BRME1: variants seen among roughly 807,000 people sequenced by gnomAD.
BRME1 encodes break repair meiotic recombinase recruitment factor 1.
BRME1 carries 31 observed loss-of-function variants against 52.6 expected under a neutral mutation model. The observed-to-expected ratio is 0.59, with a 90% CI of 0.44 to 0.80. BRME1 has a LOEUF of 0.80. Ranked by LOEUF, BRME1 falls within the 30% of genes least tolerant of loss-of-function variation. The pLI, the probability that BRME1 is intolerant of heterozygous loss-of-function variation, is 0.00. For missense variants in BRME1, 804 were observed against 860.3 expected, an observed-to-expected ratio of 0.93 and a Z score of 0.82; for synonymous variants, 359 against 353.6, an observed-to-expected ratio of 1.02 and a Z score of -0.17.
chr19:13,899,792 G>C (rs1970173850), intron 2 of BRME1, among the ~76,000 whole-genome samples: 1 of 152,178 alleles, frequency 6.6e-6, no homozygotes, highest in South Asian at 2.1e-4. Flanking sequence ...CTTGAGGTCA[G>C]GAGTTCAAGA....
chr19:13,904,722 G>T, intron 2 of BRME1, 140 bp downstream of exon 2: 1 of 857,596 alleles, frequency 1.2e-6, no homozygotes, highest in Non-Finnish European at 1.9e-6. Context: ...TTACAGGTGT[G>T]AGCCACCGCA....
chr19:13,905,013 C>T (rs1599365848), intron 1 of BRME1, 100 bp from the exon 2 acceptor site: 2 of 964,142 alleles, frequency 2.1e-6, no homozygotes, highest in East Asian at 5.0e-5. Context: ...ACCTCCACCT[C>T]AGCCCATTTG....
chr19:13,896,350 TATA>T (rs1275332882), intron 2 of BRME1, among the ~76,000 whole-genome samples: 2 of 147,770 alleles, frequency 1.4e-5, no homozygotes, highest in South Asian at 4.2e-4. Flanking sequence ...ATATAAAATA[TATA>T]ATTATAATGT....
rs768614582 is a variant in BRME1 at position 13,882,928 on chromosome 19, C to T, written c.1881G>A (p.Arg627=). 6.2e-6 allele frequency: 10 copies of T among 1,613,386 alleles called. No individual in the cohort carries two copies. In the African/African-American group the frequency reaches 9.4e-5, roughly 15 times the overall value. The part of the protein sequence containing the change: ...NLNRLIMGTH[R]DLEAFKRLNY... The stretch of plus-strand genomic sequence containing the variant: ...TAAGGCGCTTGAAAGCTTCCAGGTC[C>T]CGGTGGGTGCCCATGATCAGCCGGC... The change falls in exon 9 of 9, where the codon CGG becomes CGA. Residue 627 remains arginine, a synonymous_variant. Transcript: ENST00000586783.
chr19:13,883,683 G>C lies in BRME1; in HGVS notation c.1764-283C>G. 2.6e-6 allele frequency: 1 copy of C among 380,838 alleles called. No homozygotes were observed. The highest frequency in any genetic ancestry group is 4.9e-6 in the Non-Finnish European group (1 of 204,920). The allele number at this position is 380,838 out of a possible 1,614,324, so 23.6% of individuals were successfully genotyped here. A position where few individuals can be genotyped will look rare whatever the true frequency, so the allele number is the denominator to read the frequency against. On this transcript the variant is annotated intron_variant, in intron 7 of 8. Transcript: ENST00000586783. This position sits in a 1 kb window ranked among gnomAD's most constrained non-coding sequence, Gnocchi z 4.2. Reference sequence around the variant, plus strand: ...GGCTTGTCCCCCACAGGCACTGGGGGCTGTGAACTTGGAAACCTAGCTCAG... The same window carrying C: ...GGCTTGTCCCCCACAGGCACTGGGGCCTGTGAACTTGGAAACCTAGCTCAG...
At chr19:13,885,664 C>T (rs538429122) in intron 7 of BRME1, among the ~76,000 whole-genome samples, 1 of 152,296 alleles carries the variant, frequency 6.6e-6, no homozygotes, top group East Asian at 1.9e-4. Context: ...AGCTTTGGCC[C>T]CTCTTCCCAG....
intron 2 of BRME1, among the ~76,000 whole-genome samples, chr19:13,896,376 CAT>C (rs1211056351): frequency 6.2e-5 from 9 of 146,048 alleles, no homozygotes; most frequent in Non-Finnish European, 1.2e-4. Flanking sequence ...TTACATATTG[CAT>C]ATTTATAATT....
rs2145096425 is a variant in BRME1, at chr19:13,883,104, A to T, written c.1857-152T>A. The stretch of plus-strand genomic sequence containing the variant: ...AACCAGAAAGGGCCTGTTGTAGCAC[A>T]GGCTGGGCCTGTTGCAGCCTTTCTT... On this transcript the variant is annotated intron_variant, in intron 8 of 8. Coordinates refer to ENST00000586783, the MANE Select transcript of BRME1 (RefSeq NM_001345843.2). This position sits in a 1 kb window ranked among gnomAD's most constrained non-coding sequence, Gnocchi z 4.2. The T allele has an allele frequency of 1.5e-6, 1 of 662,140 alleles. No individual in the cohort carries two copies. Among genetic ancestry groups the T allele is most frequent in the Non-Finnish European group, 2.0e-6 (1 of 499,844 alleles). 41.0% of individuals were successfully genotyped at this position (662,140 alleles called of 1,614,324 possible). A position where few individuals can be genotyped will look rare whatever the true frequency, so the allele number is the denominator to read the frequency against.
At chr19:13,903,998 G>A (rs1266151687) in intron 2 of BRME1, among the ~76,000 whole-genome samples, 1 of 152,166 alleles carries the variant, frequency 6.6e-6, no homozygotes, top group East Asian at 1.9e-4. Context: ...CTGAAGCCCG[G>A]GGAGGCCTCC....
At chr19:13,885,082 G>T (rs996047680) in intron 7 of BRME1, 1 of 152,514 alleles carries the variant, frequency 6.6e-6, no homozygotes, top group Non-Finnish European at 1.5e-5. Context: ...TTGTGTGTGT[G>T]GCTAAGGGAG....
intron 5 of BRME1, among the ~76,000 whole-genome samples, chr19:13,890,803 G>T (rs2145156782): frequency 6.6e-6 from 1 of 152,174 alleles, no homozygotes; most frequent in South Asian, 2.1e-4. Flanking sequence ...GGAGGCGGAG[G>T]TTGCAGTGAG....
rs746125283 is a variant in BRME1 at position 13,904,858 on chromosome 19, G to A, written c.31+4C>T. The A allele has an allele frequency of 6.2e-6, 10 of 1,613,440 alleles. No individual in the cohort carries two copies. Among genetic ancestry groups the A allele is most frequent in the Admixed American group, 1.7e-5 (1 of 59,914 alleles). On this transcript the variant is annotated splice_donor_region_variant and intron_variant, in intron 2 of 8. Transcript: ENST00000586783. Reference sequence around the variant, plus strand: ...TCAACAAGTGTCCATTTGAATGAACGTACCTGAGGTCCGCAGCTTCTTCCT... The same window carrying A: ...TCAACAAGTGTCCATTTGAATGAACATACCTGAGGTCCGCAGCTTCTTCCT...
intron 2 of BRME1, among the ~76,000 whole-genome samples, chr19:13,904,534 C>T (rs1042446755): frequency 6.6e-6 from 1 of 152,054 alleles, no homozygotes; most frequent in African/African-American, 2.4e-5. Context: ...ATCGGACTCC[C>T]AGGTTCAAAC....
At position 13,889,624 on chromosome 19, in the gene BRME1, A is replaced by G. The variant is rs1373667202; in HGVS notation, c.1232T>C (p.Val411Ala). The G allele has an allele frequency of 2.5e-6, 4 of 1,608,644 alleles. No individual in the cohort carries two copies. Among genetic ancestry groups the G allele is most frequent in the Middle Eastern group, 1.7e-4 (1 of 6,056 alleles). The change falls in exon 6 of 9, where the codon GTC becomes GCC. Residue 411 changes from valine to alanine, a missense_variant. Around this residue, in one of 3 missense-constraint regions of BRME1, gnomAD observed 552 missense variants for 561.1 expected, o/e 0.98. Coordinates refer to ENST00000586783, the MANE Select transcript of BRME1 (RefSeq NM_001345843.2). ...CAGGGAGGCTGTAGGGCCCACTAGG[A>G]CATCGCCGGGGGGCTTGCCATCCTG... is the stretch of plus-strand genomic sequence containing the variant. ...AGQDGKPPGDVLVGPTASLAL... is the reference protein window; with the variant it reads ...AGQDGKPPGDALVGPTASLAL...
chr19:13,882,761 TG>T lies in BRME1; in HGVS notation c.*40del. On this transcript the variant is annotated 3_prime_UTR_variant, in exon 9 of 9. Coordinates refer to ENST00000586783, the MANE Select transcript of BRME1 (RefSeq NM_001345843.2). ...GCATCTTGGAGGAGGTCTGCGGACA[TG>T]GGGGCTGGGTGGCAAAGGAAACACA... 3 of 1,611,094 alleles carry T rather than the reference TG, an allele frequency of 1.9e-6. No individual in the cohort carries two copies. Among genetic ancestry groups the T allele is most frequent in the Non-Finnish European group, 8.5e-7 (1 of 1,179,166 alleles).
intron 2 of BRME1, among the ~76,000 whole-genome samples, 155 bp from the exon 3 acceptor site, chr19:13,895,701 T>C (rs1969842691): frequency 6.6e-6 from 1 of 152,172 alleles, no homozygotes; most frequent in African/African-American, 2.4e-5. Context: ...TAAGAGCATC[T>C]TGTACACTGT....
chr19:13,890,411 C>T lies in BRME1; in HGVS notation c.445G>A (p.Glu149Lys), dbSNP rs531463341. 5.9e-6 allele frequency: 9 copies of T among 1,518,616 alleles called. No homozygotes were observed. The South Asian group carries it at 1.1e-4, about 18-fold the overall frequency. The allele number at this position is 1,518,616 out of a possible 1,614,324, so 94.1% of individuals were successfully genotyped here. A position where few individuals can be genotyped will look rare whatever the true frequency, so the allele number is the denominator to read the frequency against. ...TCCTGGAGGGGGACCCCCAGGGTCTCCACTAGCAGCTGGCATCCTGGACTC... is the reference window on the plus strand; with the variant it reads ...TCCTGGAGGGGGACCCCCAGGGTCTTCACTAGCAGCTGGCATCCTGGACTC... ...AQSPGCQLLVETLGVPLQEAT... is the reference protein window; with the variant it reads ...AQSPGCQLLVKTLGVPLQEAT... The change falls in exon 6 of 9, where the codon GAG becomes AAG. Residue 149 changes from glutamate (E) to lysine (K), a missense_variant. Around this residue, in one of 3 missense-constraint regions of BRME1, gnomAD observed 234 missense variants for 258.1 expected, o/e 0.91. Transcript: ENST00000586783.
rs555947870 is a variant in BRME1, at chr19:13,883,222, C to T, written c.1856+86G>A. The T allele has an allele frequency of 1.4e-4, 173 of 1,277,358 alleles. No individual in the cohort carries two copies. Among genetic ancestry groups the T allele is most frequent in the Non-Finnish European group, 1.8e-4 (164 of 921,198 alleles). The allele number at this position is 1,277,358 out of a possible 1,614,324, so 79.1% of individuals were successfully genotyped here. On this transcript the variant is annotated intron_variant, in intron 8 of 8. Transcript: ENST00000586783. The surrounding 1 kb of genome is among the most constrained non-coding windows in gnomAD (Gnocchi z 4.2). The stretch of plus-strand genomic sequence containing the variant: ...CTGACCCTCGCTGCCCACCTAGGGG[C>T]TTCACACTTCAGTCCCTCCCTGCTC...
intron 5 of BRME1, among the ~76,000 whole-genome samples, chr19:13,891,805 G>C (rs1396970441): frequency 2.0e-5 from 3 of 150,662 alleles, no homozygotes; most frequent in Non-Finnish European, 4.4e-5. Context: ...GGACGCAGTG[G>C]CTCATGCCTG....
Sources: gnomAD v4.1 joint callset for allele counts (sites outside exome capture counted in the v4.1 genomes callset) on GRCh38, gnomAD v4.1.1 for gene constraint, gnomAD v4.1.1 regional missense constraint, Gnocchi (gnomAD v3.1) non-coding constraint, MANE v1.5 for transcripts, NCBI Gene and HGNC (gene_info 2026-07-23, HGNC 2026-07-21) for gene names.